The following GAS7 variants were observed in gnomAD, a reference collection of about 807,000 sequenced individuals.
GAS7 encodes growth arrest-specific protein 7.
Under a neutral mutation model 71.1 loss-of-function variants are expected in GAS7, and 28 were observed. That is an observed-to-expected ratio of 0.39 (90% CI 0.29 to 0.54). GAS7 has a LOEUF of 0.54. Ranked by LOEUF, GAS7 falls within the 20% of genes least tolerant of loss-of-function variation. GAS7 has a pLI of 0.62. For missense variants in GAS7, 436 were observed against 627.8 expected (o/e 0.69, Z 3.27); for synonymous variants, 258 against 245.8 (o/e 1.05, Z -0.46).
At chr17:10,057,639 C>A (rs1171541483) in intron 1 of GAS7, among the ~76,000 whole-genome samples, 2 of 151,250 alleles carry the variant, frequency 1.3e-5, no homozygotes, top group African/African-American at 4.9e-5. Context: ...GGGGAGCAGC[C>A]CCCGCCCCGC....
intron 1 of GAS7, among the ~76,000 whole-genome samples, chr17:10,166,385 C>T (rs1208812085): frequency 2.0e-5 from 3 of 152,206 alleles, no homozygotes; most frequent in African/African-American, 7.2e-5. Flanking sequence ...CAACTCACTC[C>T]CAAGGAGAAC....
rs547268102 is a variant in GAS7, at chr17:10,079,495, G to C, written c.184-59598C>G. Among the ~76,000 whole-genome samples the C allele has an allele frequency of 5.9e-5, 9 of 152,230 alleles. No individual in the cohort carries two copies. The East Asian group carries it at 1.7e-3, about 29-fold the overall frequency. On this transcript the variant is annotated intron_variant, in intron 1 of 13. Coordinates refer to ENST00000432992, the MANE Select transcript of GAS7 (RefSeq NM_201433.2). Reference sequence around the variant, plus strand: ...TATTCTCTCTGAAGCCTGCTACCTGGAGGCTTCATCTAAATGATGAAACTT... The same window carrying C: ...TATTCTCTCTGAAGCCTGCTACCTGCAGGCTTCATCTAAATGATGAAACTT...
At chr17:9,961,966 CCA>C (rs1458954516) in intron 4 of GAS7, among the ~76,000 whole-genome samples, 1 of 152,188 alleles carries the variant, frequency 6.6e-6, no homozygotes, top group Non-Finnish European at 1.5e-5. Flanking sequence ...TATTTTGGGA[CCA>C]CTGTGTATAA....
chr17:10,002,567 C>A (rs548180488), intron 2 of GAS7, among the ~76,000 whole-genome samples: 1 of 152,148 alleles, frequency 6.6e-6, no homozygotes, highest in Admixed American at 6.6e-5. Flanking sequence ...CCCGTCCCCC[C>A]ATCCCACAAC....
At chr17:9,993,690 CAGG>C (rs1457418197) in intron 2 of GAS7, among the ~76,000 whole-genome samples, 10 of 150,354 alleles carry the variant, frequency 6.7e-5, no homozygotes, top group Non-Finnish European at 1.5e-4. Flanking sequence ...GGCAATTAGG[CAGG>C]AGAAGGAAAT....
At chr17:10,174,583 T>C (rs111329879) in intron 1 of GAS7, among the ~76,000 whole-genome samples, 29,448 of 150,478 alleles carry the variant, frequency 0.2, 3,153 homozygotes, top group Middle Eastern at 0.26. Context: ...TCCCAGCTAC[T>C]CGGGAGGCCG....
intron 11 of GAS7, among the ~76,000 whole-genome samples, chr17:9,924,308 T>C (rs2067919465): frequency 1.3e-5 from 2 of 152,102 alleles, no homozygotes; most frequent in South Asian, 4.1e-4. Context: ...GAGTAGCTGA[T>C]TCTACAGGCA....
intron 5 of GAS7, among the ~76,000 whole-genome samples, chr17:9,950,630 T>C (rs931805066): frequency 2.6e-5 from 4 of 151,902 alleles, no homozygotes; most frequent in Non-Finnish European, 5.9e-5. Context: ...GGCCCAGGTG[T>C]GCGGATCACA....
Position 10,073,932 on chromosome 17 carries a change from C to T in GAS7, c.184-54035G>A, listed in dbSNP as rs1474103162. On this transcript the variant is annotated intron_variant, in intron 1 of 13. Transcript: ENST00000432992. ...AGTAACATCTCAGGATGTATTTATC[C>T]ACCTGTTTACTTATTTATCTGTGCT... is the stretch of plus-strand genomic sequence containing the variant. 2.6e-5 allele frequency among the ~76,000 whole-genome samples: 4 copies of T among 152,136 alleles called. No homozygotes were observed. The East Asian group carries it at 7.7e-4, about 29-fold the overall frequency.
intron 1 of GAS7, chr17:10,027,139 G>C (rs2072483822): frequency 6.6e-6 from 1 of 152,158 alleles, no homozygotes; most frequent in African/African-American, 2.4e-5. Flanking sequence ...TATCAACAAA[G>C]AAACAGACTA....
At chr17:10,020,666 C>G (rs941345838) in intron 1 of GAS7, among the ~76,000 whole-genome samples, 1 of 152,002 alleles carries the variant, frequency 6.6e-6, no homozygotes, top group Admixed American at 6.6e-5. Context: ...AATCCCAGCA[C>G]TTTGGGAGGC....
At chr17:9,946,159 A>C (rs1029268774) in intron 6 of GAS7, among the ~76,000 whole-genome samples, 2 of 152,154 alleles carry the variant, frequency 1.3e-5, no homozygotes, top group Non-Finnish European at 2.9e-5. Flanking sequence ...CTAATTCTGA[A>C]AGTCACTATG....
intron 1 of GAS7, among the ~76,000 whole-genome samples, chr17:10,163,068 C>T (rs2074268078): frequency 6.6e-6 from 1 of 152,008 alleles, no homozygotes; most frequent in South Asian, 2.1e-4. Context: ...TAGAAACAGG[C>T]CAGACACGAT....
At chr17:10,118,428 G>A (rs2073879087) in intron 1 of GAS7, among the ~76,000 whole-genome samples, 2 of 152,094 alleles carry the variant, frequency 1.3e-5, no homozygotes, top group South Asian at 4.1e-4. Context: ...AAGCCCTCGT[G>A]GGCTGGGCGC....
At chr17:10,081,721 C>A (rs1461495247) in intron 1 of GAS7, among the ~76,000 whole-genome samples, 2 of 152,086 alleles carry the variant, frequency 1.3e-5, no homozygotes, top group Non-Finnish European at 2.9e-5. Flanking sequence ...AAGTTAAATC[C>A]AAGGTGTGGT....
chr17:10,124,701 CT>C (rs1175936977), intron 1 of GAS7, among the ~76,000 whole-genome samples: 2 of 152,080 alleles, frequency 1.3e-5, no homozygotes, highest in Non-Finnish European at 2.9e-5. Context: ...TGTGGATCAC[CT>C]AAGGTCGGAG....
intron 2 of GAS7, among the ~76,000 whole-genome samples, chr17:9,992,698 C>T (rs1243678558): frequency 6.6e-5 from 10 of 151,672 alleles, no homozygotes; most frequent in Admixed American, 6.6e-4. Flanking sequence ...TGGTGCACTG[C>T]ACCCACCAAC....
chr17:9,966,522 T>C (rs1249749071), intron 4 of GAS7, among the ~76,000 whole-genome samples: 1 of 152,126 alleles, frequency 6.6e-6, no homozygotes, highest in Non-Finnish European at 1.5e-5. Flanking sequence ...TTATCATGAG[T>C]GATAACTGAC....
Position 10,115,479 on chromosome 17 carries a change from T to G in GAS7, c.183+82729A>C, listed in dbSNP as rs902312208. On this transcript the variant is annotated intron_variant, in intron 1 of 13. Coordinates refer to ENST00000432992, the MANE Select transcript of GAS7 (RefSeq NM_201433.2). ...CCCCAGAGAAGACAGCAGAAAGAAG[T>G]GTTCCTAACTGTTCACCCTTTACAG... Among the ~76,000 whole-genome samples the G allele has an allele frequency of 3.2e-4, 49 of 152,098 alleles. 1 individual carries two copies. The highest frequency in any genetic ancestry group is 8.9e-4 in the African/African-American group (37 of 41,410).
Sources: allele counts gnomAD v4.1 joint callset (sites outside exome capture counted in the v4.1 genomes callset), GRCh38; gene constraint gnomAD v4.1.1; transcripts MANE v1.5; gene names NCBI Gene and HGNC (gene_info 2026-07-23, HGNC 2026-07-21).